The following SENP3 variants were observed in gnomAD, a reference collection of about 807,000 sequenced individuals.
SENP3 encodes the protein sentrin-specific protease 3.
Under a neutral mutation model 66.2 loss-of-function variants are expected in SENP3, and 11 were observed. The observed-to-expected ratio is 0.17, with a 90% CI of 0.10 to 0.28. SENP3 has a LOEUF of 0.28. SENP3 is among the 10% of genes least tolerant of loss of function. SENP3 has a pLI of 1.00. For missense variants in SENP3, 548 were observed against 743.7 expected (o/e 0.74, Z 3.06); for synonymous variants, 292 against 277.6 (o/e 1.05, Z -0.52).
At chr17:7,564,207 C>G (rs772897059) in intron 2 of SENP3, among the ~76,000 whole-genome samples, 41 of 152,176 alleles carry the variant, frequency 2.7e-4, no homozygotes, top group Non-Finnish European at 5.4e-4. Context: ...CATCATCTTA[C>G]AGTTGTGAAA....
Position 7,564,420 on chromosome 17 carries a change from C to T in SENP3, c.716-205C>T, listed in dbSNP as rs779370040. On this transcript the variant is annotated intron_variant, in intron 2 of 10. Transcript: ENST00000321337. ...CTTCCTGTCTATGAGTAGGAACTCT[C>T]TCTCCATCCCTGTAGAATCTCTTGG... The T allele has an allele frequency of 1.1e-5, 8 of 756,528 alleles. 1 individual carries two copies. The South Asian group carries it at 1.2e-4, about 11-fold the overall frequency. The allele number at this position is 756,528 out of a possible 1,614,324, so 46.9% of individuals were successfully genotyped here.
In SENP3 at chr17:7,563,505, G is replaced by A; in HGVS notation, c.429G>A (p.Ser143=). The A allele has an allele frequency of 3.9e-6, 6 of 1,546,732 alleles. No homozygotes were observed. Among genetic ancestry groups the A allele is most frequent in the Non-Finnish European group, 5.2e-6 (6 of 1,145,152 alleles). Residue 143 remains serine (S), a synonymous_variant, in exon 2 of 11, where the codon TCG becomes TCA. Coordinates refer to ENST00000321337, the MANE Select transcript of SENP3 (RefSeq NM_015670.6). ...FRMLLYSKST[S]LTFHWKLWGR... The stretch of plus-strand genomic sequence containing the variant: ...TGCTGCTCTACTCAAAAAGCACCTC[G>A]CTGACATTCCACTGGAAGCTTTGGG...
In SENP3 at chr17:7,570,382, G is replaced by A; in HGVS notation, c.1368G>A (p.Leu456=). ...TGGACATCTTCAATAAGGAGCTACT[G>A]CTAATCCCCATCCACCTGGAGGTGC... ...KNVDIFNKEL[L]LIPIHLEVHW... is the part of the protein sequence containing the mutation. Residue 456 remains leucine, a synonymous_variant, in exon 8 of 11, where the codon CTG becomes CTA. Coordinates refer to ENST00000321337, the MANE Select transcript of SENP3 (RefSeq NM_015670.6). This position sits in a 1 kb window ranked among gnomAD's most constrained non-coding sequence, Gnocchi z 5.4. 6.2e-7 allele frequency: 1 copy of A among 1,613,910 alleles called. No individual in the cohort carries two copies. The highest frequency in any genetic ancestry group is 1.3e-5 in the African/African-American group (1 of 75,040).
chr17:7,564,897 C>T, intron 3 of SENP3, 33 bp downstream of exon 3: 2 of 1,603,056 alleles, frequency 1.2e-6, no homozygotes, highest in Non-Finnish European at 1.7e-6. Context: ...GCCTCTCTCC[C>T]TTCTCCGACT....
At chr17:7,566,328 G>A (rs1358414851) in intron 6 of SENP3, among the ~76,000 whole-genome samples, 2 of 145,110 alleles carry the variant, frequency 1.4e-5, no homozygotes, top group Non-Finnish European at 3.0e-5. Context: ...GGCAACAAGA[G>A]CGGAATTCTG....
chr17:7,568,977 T>C (rs1275794316), intron 7 of SENP3, among the ~76,000 whole-genome samples: 1 of 152,200 alleles, frequency 6.6e-6, no homozygotes, highest in African/African-American at 2.4e-5. Context: ...TACCCAGCTG[T>C]GTCCACCGCA....
In SENP3 at chr17:7,562,561, G is replaced by C. The variant is rs1036695257; in HGVS notation, c.-12+298G>C. Among the ~76,000 whole-genome samples the C allele has an allele frequency of 3.3e-5, 5 of 152,182 alleles. No individual in the cohort carries two copies. Among genetic ancestry groups the C allele is most frequent in the Non-Finnish European group, 7.3e-5 (5 of 68,036 alleles). On this transcript the variant is annotated intron_variant, in intron 1 of 10. Coordinates refer to ENST00000321337, the MANE Select transcript of SENP3 (RefSeq NM_015670.6). The surrounding 1 kb of genome is among the most constrained non-coding windows in gnomAD (Gnocchi z 5.0). ...CCCCGTTTATCAGCCTCTGCCCCCT[G>C]AACCATATCCCTGGCATCTGCACTT...
At position 7,562,025 on chromosome 17, in the gene SENP3, C is replaced by T. The variant is rs1567727340; in HGVS notation, c.-250C>T. 5.0e-6 allele frequency: 2 copies of T among 399,478 alleles called. No homozygotes were observed. Among genetic ancestry groups the T allele is most frequent in the East Asian group, 3.6e-5 (1 of 28,026 alleles). The allele number at this position is 399,478 out of a possible 1,614,324, so 24.7% of individuals were successfully genotyped here. On this transcript the variant is annotated 5_prime_UTR_variant, in exon 1 of 11. Transcript: ENST00000321337. The surrounding 1 kb of genome is among the most constrained non-coding windows in gnomAD (Gnocchi z 5.0). ...GCGGCGGCGGTGGCGCTGGTGGCGG[C>T]GGTGGCGGAGGTGGAGGTGGAGGTG...
At position 7,570,437 on chromosome 17, in the gene SENP3, C is replaced by T. The variant is rs1190631092; in HGVS notation, c.1423C>T (p.Arg475Ter). 6.2e-7 allele frequency: 1 copy of T among 1,613,720 alleles called. No individual in the cohort carries two copies. The highest frequency in any genetic ancestry group is 1.1e-5 in the South Asian group (1 of 91,082). The change falls in exon 8 of 11, where the codon CGA (arginine) becomes TGA (stop). Residue 475 changes from arginine (R) to a stop codon, truncating the protein, a stop_gained. Coordinates refer to ENST00000321337, the MANE Select transcript of SENP3 (RefSeq NM_015670.6). LOFTEE classifies it high-confidence loss of function. The surrounding 1 kb of genome is among the most constrained non-coding windows in gnomAD (Gnocchi z 5.4). ...GTCCCTCATCTCTGTTGATGTGAGGCGACGCACCATCACCTATTTTGACTC... is the reference window on the plus strand; with the variant it reads ...GTCCCTCATCTCTGTTGATGTGAGGTGACGCACCATCACCTATTTTGACTC... ...HWSLISVDVR[R>*]RTITYFDSQR...
In SENP3 at chr17:7,571,041, G is replaced by C. The variant is rs907206739; in HGVS notation, c.1614+108G>C. The stretch of plus-strand genomic sequence containing the variant: ...TTGGCTCATAGTCAGTTGTGGAGCA[G>C]GAAGTAATCTGTTTTAGAACACCAA... On this transcript the variant is annotated intron_variant, in intron 10 of 10. Coordinates refer to ENST00000321337, the MANE Select transcript of SENP3 (RefSeq NM_015670.6). The C allele has an allele frequency of 2.1e-5, 20 of 961,244 alleles. No homozygotes were observed. In the Admixed American group the frequency reaches 4.9e-4, roughly 23 times the overall value. 59.5% of individuals were successfully genotyped at this position (961,244 alleles called of 1,614,324 possible).
chr17:7,568,954 T>C (rs2071289406), intron 7 of SENP3, among the ~76,000 whole-genome samples: 1 of 152,106 alleles, frequency 6.6e-6, no homozygotes, highest in South Asian at 2.1e-4. Context: ...AGTGTTGGAA[T>C]TGAATTGGGG....
chr17:7,567,108 A>G (rs1294788041), intron 7 of SENP3, 104 bp downstream of exon 7: 4 of 824,144 alleles, frequency 4.9e-6, no homozygotes, highest in Non-Finnish European at 8.2e-6. Flanking sequence ...TCAGTCTTTC[A>G]AAGATTAAAC....
intron 7 of SENP3, among the ~76,000 whole-genome samples, chr17:7,569,288 G>C (rs1232887760): frequency 6.6e-6 from 1 of 150,516 alleles, no homozygotes; most frequent in African/African-American, 2.4e-5. Flanking sequence ...GGGAGGCTGA[G>C]GCAGGAGAAT....
At position 7,570,959 on chromosome 17, in the gene SENP3, C is replaced by T. The variant is rs4968213; in HGVS notation, c.1614+26C>T. 0.91 allele frequency: 1,460,879 copies of T among 1,606,866 alleles called. 674,610 individuals are homozygous for T. Among genetic ancestry groups the T allele is most frequent in the Non-Finnish European group, 0.95 (1,122,125 of 1,175,820 alleles). On this transcript the variant is annotated intron_variant, in intron 10 of 10. Coordinates refer to ENST00000321337, the MANE Select transcript of SENP3 (RefSeq NM_015670.6). The surrounding 1 kb of genome is among the most constrained non-coding windows in gnomAD (Gnocchi z 5.4). Reference sequence around the variant, plus strand: ...GTAAGCAGATGATGGGGCCACCTCCCCTAGCTCTGAAGTCAGTTGGGTTAA... The same window carrying T: ...GTAAGCAGATGATGGGGCCACCTCCTCTAGCTCTGAAGTCAGTTGGGTTAA...
At position 7,571,400 on chromosome 17, in the gene SENP3, C is replaced by G. The variant is rs1172077619; in HGVS notation, c.1642C>G (p.Pro548Ala). The G allele has an allele frequency of 6.2e-7, 1 of 1,605,008 alleles. No individual in the cohort carries two copies. Among genetic ancestry groups the G allele is most frequent in the Non-Finnish European group, 8.5e-7 (1 of 1,175,242 alleles). ...CTGCAAGCATCTGGCCCTGTCTCAG[C>G]CATTCAGCTTCACCCAGCAGGACAT... ...QYCKHLALSQ[P>A]FSFTQQDMPK... Residue 548 changes from proline (P) to alanine (A), a missense_variant, in exon 11 of 11, where the codon CCA becomes GCA. Pro to Ala is a conservative substitution (Grantham distance 27, BLOSUM62 -1). Transcript: ENST00000321337.
intron 2 of SENP3, chr17:7,564,314 G>C: frequency 2.1e-6 from 1 of 485,192 alleles, no homozygotes; most frequent in South Asian, 2.0e-5. Context: ...ACAATATGCT[G>C]GGTACTATGC....
rs1255670644 is a variant in SENP3 at position 7,562,770 on chromosome 17, G to A, written c.-11-296G>A. On this transcript the variant is annotated intron_variant, in intron 1 of 10. Transcript: ENST00000321337. This position sits in a 1 kb window ranked among gnomAD's most constrained non-coding sequence, Gnocchi z 5.0. Reference sequence around the variant, plus strand: ...ACAGCCCTGGTGGTATTAAAATAAAGACGTAGAACCTGGCAGTGCTATTGG... The same window carrying A: ...ACAGCCCTGGTGGTATTAAAATAAAAACGTAGAACCTGGCAGTGCTATTGG... Among the ~76,000 whole-genome samples, 1 of 152,150 alleles carries A rather than the reference G, an allele frequency of 6.6e-6. No individual in the cohort carries two copies. Among genetic ancestry groups the A allele is most frequent in the Non-Finnish European group, 1.5e-5 (1 of 68,040 alleles).
chr17:7,570,487 C>T lies in SENP3; in HGVS notation c.1473C>T (p.Cys491=), dbSNP rs923421627. 9 of 1,612,242 alleles carry T rather than the reference C, an allele frequency of 5.6e-6. No homozygotes were observed. Among genetic ancestry groups the T allele is most frequent in the African/African-American group, 1.3e-5 (1 of 74,862 alleles). ...CGCAGCGTACCCTAAACCGCCGCTG[C>T]CCTAAGGTTTGAGGGGGTAGGAGAG... The part of the protein sequence containing the change: ...FDSQRTLNRR[C]PKHIAKYLQA... The change falls in exon 8 of 11, where the codon TGC becomes TGT. Residue 491 remains cysteine (C), a synonymous_variant. Coordinates refer to ENST00000321337, the MANE Select transcript of SENP3 (RefSeq NM_015670.6). The surrounding 1 kb of genome is among the most constrained non-coding windows in gnomAD (Gnocchi z 5.4).
At chr17:7,566,030 AT>A in intron 6 of SENP3, 3 of 359,146 alleles carry the variant, frequency 8.4e-6, no homozygotes, top group East Asian at 4.4e-5. Flanking sequence ...GTAAAACAAG[AT>A]TTAAAAAAAA....
Sources: gnomAD v4.1 joint callset for allele counts (sites outside exome capture counted in the v4.1 genomes callset) on GRCh38, gnomAD v4.1.1 for gene constraint, Gnocchi (gnomAD v3.1) non-coding constraint, MANE v1.5 for transcripts, NCBI Gene and HGNC (gene_info 2026-07-23, HGNC 2026-07-21) for gene names.